CNGB1: variants seen among roughly 807,000 people sequenced by gnomAD.
The protein encoded by CNGB1 is cyclic nucleotide-gated channel beta-1.
In CNGB1, 126 loss-of-function variants were observed where a neutral mutation model predicts 151.7. That is an observed-to-expected ratio of 0.83 (90% CI 0.72 to 0.96). CNGB1 has a LOEUF of 0.96. Among genes scored for constraint, CNGB1 ranks in the 40% least tolerant of loss-of-function variants. The pLI is 0.00. For missense variants in CNGB1, 1,698 were observed against 1,627.0 expected, an observed-to-expected ratio of 1.04 and a Z score of -0.75; for synonymous variants, 623 against 635.1, an observed-to-expected ratio of 0.98 and a Z score of 0.29.
At position 57,884,191 on chromosome 16, in the gene CNGB1, C is replaced by T. The variant is rs534779665; in HGVS notation, c.3729G>A (p.Pro1243=). 73 of 1,614,048 alleles carry T rather than the reference C, an allele frequency of 4.5e-5. No individual in the cohort carries two copies. The highest frequency in any genetic ancestry group is 3.2e-4 in the African/African-American group (24 of 75,052). Residue 1243 remains proline (P), a synonymous_variant, in exon 33 of 33, where the codon CCG becomes CCA. Coordinates refer to ENST00000251102, the MANE Select transcript of CNGB1 (RefSeq NM_001297.5). ...PGEQILSVKM[P]EEREEKAE is the part of the protein sequence containing the mutation. Reference sequence around the variant, plus strand: ...ACTCCGCCTTCTCCTCCCTTTCCTCCGGCATCTTCACCGACAGGATCTGCT... The same window carrying T: ...ACTCCGCCTTCTCCTCCCTTTCCTCTGGCATCTTCACCGACAGGATCTGCT...
intron 17 of CNGB1, among the ~76,000 whole-genome samples, chr16:57,928,745 C>T (rs1466192916): frequency 1.3e-5 from 2 of 152,312 alleles, no homozygotes; most frequent in African/African-American, 4.8e-5. Context: ...TCAAACGATT[C>T]TCCTGCCTCA....
At chr16:57,893,560 G>T (rs1960150277) in intron 31 of CNGB1, among the ~76,000 whole-genome samples, 1 of 152,114 alleles carries the variant, frequency 6.6e-6, no homozygotes. Flanking sequence ...CACTTTGGGA[G>T]GCCAAGGCGG....
chr16:57,951,489 G>C (rs1170642075), intron 12 of CNGB1, among the ~76,000 whole-genome samples: 2 of 152,186 alleles, frequency 1.3e-5, no homozygotes, highest in African/African-American at 4.8e-5. Context: ...CTGAGTAACT[G>C]GGACTACAGG....
rs368567192 is a variant in CNGB1, at chr16:57,932,930, AG to A, written c.1373-1053del. Among the ~76,000 whole-genome samples the A allele has an allele frequency of 6.2e-4, 88 of 141,430 alleles. No individual in the cohort carries two copies. The East Asian group carries it at 0.016, about 26-fold the overall frequency. 92.8% of individuals were successfully genotyped at this position (141,430 alleles called of 152,430 possible). A position where few individuals can be genotyped will look rare whatever the true frequency, so the allele number is the denominator to read the frequency against. On this transcript the variant is annotated intron_variant, in intron 16 of 32. Coordinates refer to ENST00000251102, the MANE Select transcript of CNGB1 (RefSeq NM_001297.5). The stretch of plus-strand genomic sequence containing the variant: ...TTATTTTATTTGTTTGCTTTTGAGA[AG>A]GGGGGGCGGGTCTCACTCTGTCACC...
chr16:57,909,099 T>A (rs1407922433), intron 25 of CNGB1, among the ~76,000 whole-genome samples: 1 of 152,134 alleles, frequency 6.6e-6, no homozygotes, highest in Admixed American at 6.5e-5. Flanking sequence ...CAAAACTCCA[T>A]ATATCCAAAA....
chr16:57,939,139 G>A (rs534444375), intron 16 of CNGB1, among the ~76,000 whole-genome samples: 13 of 152,276 alleles, frequency 8.5e-5, no homozygotes, highest in African/African-American at 2.4e-4. Context: ...GGCTGGCAGG[G>A]AGAGGCTGGA....
Position 57,883,544 on chromosome 16 carries a change from C to G in CNGB1, c.*620G>C. On this transcript the variant is annotated 3_prime_UTR_variant, in exon 33 of 33. Coordinates refer to ENST00000251102, the MANE Select transcript of CNGB1 (RefSeq NM_001297.5). Reference sequence around the variant, plus strand: ...GCCTCAACCTCTCCAGTAGCTGGGACTACAGGTGCACACCATCACGCCTGG... The same window carrying G: ...GCCTCAACCTCTCCAGTAGCTGGGAGTACAGGTGCACACCATCACGCCTGG... 6.1e-6 allele frequency: 1 copy of G among 164,758 alleles called. No individual in the cohort carries two copies. Among genetic ancestry groups the G allele is most frequent in the Non-Finnish European group, 1.3e-5 (1 of 76,846 alleles). The allele number at this position is 164,758 out of a possible 1,614,324, so 10.2% of individuals were successfully genotyped here. A position where few individuals can be genotyped will look rare whatever the true frequency, so the allele number is the denominator to read the frequency against.
intron 25 of CNGB1, 113 bp from the exon 26 acceptor site, chr16:57,904,988 C>CT: frequency 7.4e-7 from 1 of 1,356,028 alleles, no homozygotes; most frequent in South Asian, 1.2e-5. Context: ...GACAGAAACC[C>CT]TTTACAGCTC....
intron 24 of CNGB1, 41 bp downstream of exon 24, chr16:57,912,889 C>T: frequency 1.9e-6 from 3 of 1,594,236 alleles, no homozygotes; most frequent in Non-Finnish European, 2.6e-6. Flanking sequence ...TTGTGAGTGT[C>T]ATGTGTGTGT....
chr16:57,884,190 C>G lies in CNGB1; in HGVS notation c.3730G>C (p.Glu1244Gln), dbSNP rs772044451. 6.2e-7 allele frequency: 1 copy of G among 1,614,058 alleles called. No homozygotes were observed. The highest frequency in any genetic ancestry group is 8.5e-7 in the Non-Finnish European group (1 of 1,179,936). The change falls in exon 33 of 33, where the codon GAG becomes CAG. Residue 1244 changes from glutamate to glutamine, a missense_variant. By Grantham distance (29) the Glu-to-Gln change is conservative. Coordinates refer to ENST00000251102, the MANE Select transcript of CNGB1 (RefSeq NM_001297.5). ...TACTCCGCCTTCTCCTCCCTTTCCT[C>G]CGGCATCTTCACCGACAGGATCTGC... is the stretch of plus-strand genomic sequence containing the variant. ...GEQILSVKMPEEREEKAE is the reference protein window; with the variant it reads ...GEQILSVKMPQEREEKAE
chr16:57,919,039 G>A (rs201543174), intron 20 of CNGB1, 60 bp downstream of exon 20: 36 of 1,611,986 alleles, frequency 2.2e-5, no homozygotes, highest in African/African-American at 1.5e-4. Flanking sequence ...TCCCCATCCC[G>A]CTCCAACTCT....
chr16:57,889,562 T>G (rs1422810330), intron 31 of CNGB1, among the ~76,000 whole-genome samples: 1 of 152,206 alleles, frequency 6.6e-6, no homozygotes, highest in Non-Finnish European at 1.5e-5. Flanking sequence ...TGTCCGGACT[T>G]CTAACCCACA....
At chr16:57,884,558 A>C in intron 32 of CNGB1, 101 bp from the exon 33 acceptor site, 2 of 1,317,290 alleles carry the variant, frequency 1.5e-6, no homozygotes, top group Non-Finnish European at 2.1e-6. Flanking sequence ...ACCCCCAAAG[A>C]GGGCAGCGGA....
chr16:57,952,700 C>G (rs1314924385), intron 12 of CNGB1, among the ~76,000 whole-genome samples: 1 of 151,740 alleles, frequency 6.6e-6, no homozygotes, highest in Admixed American at 6.6e-5. Flanking sequence ...GGGGTTTCAC[C>G]GTATTGGCCA....
At chr16:57,960,796 C>T (rs1399188463) in intron 8 of CNGB1, 44 bp downstream of exon 8, 3 of 1,592,370 alleles carry the variant, frequency 1.9e-6, no homozygotes, top group Admixed American at 1.7e-5. Flanking sequence ...CCCCAGAAGC[C>T]CCCCCATATA....
At chr16:57,957,988 G>A (rs916545754) in intron 11 of CNGB1, among the ~76,000 whole-genome samples, 4 of 152,176 alleles carry the variant, frequency 2.6e-5, no homozygotes, top group East Asian at 1.9e-4. Flanking sequence ...GCTCATGAGC[G>A]CTCCCCCTGG....
At chr16:57,907,390 T>TG (rs71268449) in intron 25 of CNGB1, among the ~76,000 whole-genome samples, 20,484 of 152,306 alleles carry the variant, frequency 0.13, 1,547 homozygotes, top group Middle Eastern at 0.16. Context: ...CTCCAATGTC[T>TG]GGGGGGTTTG....
In CNGB1 at chr16:57,884,286, C is replaced by T. The variant is rs777055578; in HGVS notation, c.3634G>A (p.Glu1212Lys). The change falls in exon 33 of 33, where the codon GAG becomes AAG. Residue 1212 changes from glutamate to lysine, a missense_variant. Glu to Lys is a moderately conservative substitution (Grantham distance 56). Coordinates refer to ENST00000251102, the MANE Select transcript of CNGB1 (RefSeq NM_001297.5). Reference sequence around the variant, plus strand: ...TCTTCGGGCTCGGCCGGCCCCTCCTCCTCTCCCTCCGGCCTCCCAAGGGAG... The same window carrying T: ...TCTTCGGGCTCGGCCGGCCCCTCCTTCTCTCCCTCCGGCCTCCCAAGGGAG... ...PASLGRPEGE[E>K]EGPAEPEEHS... The T allele has an allele frequency of 3.7e-6, 6 of 1,613,450 alleles. No individual in the cohort carries two copies. In the Admixed American group the frequency reaches 5.0e-5, roughly 13 times the overall value.
chr16:57,908,757 C>T (rs1272251663), intron 25 of CNGB1, among the ~76,000 whole-genome samples: 1 of 152,208 alleles, frequency 6.6e-6, no homozygotes, highest in Non-Finnish European at 1.5e-5. Flanking sequence ...ATCCTGTGCG[C>T]ATCCCTCCTG....
Sources: allele counts gnomAD v4.1 joint callset (sites outside exome capture counted in the v4.1 genomes callset), GRCh38; gene constraint gnomAD v4.1.1; transcripts MANE v1.5; gene names NCBI Gene and HGNC (gene_info 2026-07-23, HGNC 2026-07-21).